The following CLMN variants were observed in gnomAD, a reference collection of about 807,000 sequenced individuals.
CLMN encodes the protein calmin.
CLMN carries 57 observed loss-of-function variants against 92.7 expected under a neutral mutation model. That is an observed-to-expected ratio of 0.61 (90% CI 0.50 to 0.77). The LOEUF (loss-of-function observed/expected upper bound fraction) is 0.77, where lower values mean the gene tolerates loss of function less well. Ranked by LOEUF, CLMN falls within the 30% of genes least tolerant of loss-of-function variation. The pLI, the probability that CLMN is intolerant of heterozygous loss-of-function variation, is 0.00. For synonymous variants in CLMN, 466 were observed against 470.6 expected (o/e 0.99, Z 0.13); for missense variants, 1,158 against 1,237.5 (o/e 0.94, Z 0.96).
At chr14:95,223,421 G>T (rs973423237) in intron 3 of CLMN, among the ~76,000 whole-genome samples, 1 of 152,122 alleles carries the variant, frequency 6.6e-6, no homozygotes, top group Non-Finnish European at 1.5e-5. Context: ...GTTGATAAAA[G>T]GCCTTTCTCT....
At chr14:95,266,756 A>G (rs1164771849) in intron 1 of CLMN, among the ~76,000 whole-genome samples, 4 of 152,228 alleles carry the variant, frequency 2.6e-5, no homozygotes, top group African/African-American at 9.6e-5. Flanking sequence ...CAAAAAGAAC[A>G]CAGTTGGAGG....
intron 5 of CLMN, among the ~76,000 whole-genome samples, chr14:95,214,651 C>T (rs1185123832): frequency 6.6e-6 from 1 of 152,126 alleles, no homozygotes; most frequent in African/African-American, 2.4e-5. Context: ...TGTGCCCAGC[C>T]CACATGGCTT....
At position 95,310,242 on chromosome 14, in the gene CLMN, A is replaced by G. The variant is rs181513373; in HGVS notation, c.82+9469T>C. Among the ~76,000 whole-genome samples the G allele has an allele frequency of 5.9e-5, 9 of 152,298 alleles. No homozygotes were observed. The East Asian group carries it at 1.7e-3, about 29-fold the overall frequency. On this transcript the variant is annotated intron_variant, in intron 1 of 12. Transcript: ENST00000298912. ...AACTTCTTTTCTTTATAAATTACCC[A>G]GACTCAGGTATTTCTTTAGAGCAAT...
chr14:95,195,325 G>A (rs954728194), intron 10 of CLMN, among the ~76,000 whole-genome samples: 15 of 152,256 alleles, frequency 9.9e-5, no homozygotes, highest in African/African-American at 3.6e-4. Context: ...ATGACTGCTA[G>A]ACAGTCACAC....
rs574867760 is a variant in CLMN, at chr14:95,303,347, A to C, written c.82+16364T>G. Among the ~76,000 whole-genome samples, 8 of 152,378 alleles carry C rather than the reference A, an allele frequency of 5.3e-5. No homozygotes were observed. In the East Asian group the frequency reaches 1.5e-3, roughly 29 times the overall value. ...GCAGAGGCTGCAGCTTTAAAACAGC[A>C]GTAATCACAACAAGTGCACGATGGT... On this transcript the variant is annotated intron_variant, in intron 1 of 12. Transcript: ENST00000298912.
chr14:95,264,855 T>C (rs1054220699), intron 1 of CLMN, among the ~76,000 whole-genome samples: 1 of 151,548 alleles, frequency 6.6e-6, no homozygotes, highest in Non-Finnish European at 1.5e-5. Flanking sequence ...GGAGGATCAC[T>C]TGAATCCAGG....
chr14:95,311,977 G>A (rs551517964), intron 1 of CLMN, among the ~76,000 whole-genome samples: 20 of 152,148 alleles, frequency 1.3e-4, no homozygotes, highest in African/African-American at 4.6e-4. Flanking sequence ...AAGCCTCCCC[G>A]GGTTTCTATG....
chr14:95,308,711 G>C (rs936778186), intron 1 of CLMN, among the ~76,000 whole-genome samples: 3 of 61,608 alleles, frequency 4.9e-5, no homozygotes, highest in Non-Finnish European at 1.2e-4. Flanking sequence ...GGCAGTCCCT[G>C]ACTTGATTTT....
chr14:95,277,345 G>T (rs912766096), intron 1 of CLMN, among the ~76,000 whole-genome samples: 8 of 152,184 alleles, frequency 5.3e-5, no homozygotes, highest in Non-Finnish European at 8.8e-5. Flanking sequence ...GCTGCTGCAG[G>T]TCCCTGAAAC....
chr14:95,282,132 G>A (rs1302233949), intron 1 of CLMN, among the ~76,000 whole-genome samples: 2 of 152,212 alleles, frequency 1.3e-5, no homozygotes, highest in East Asian at 1.9e-4. Flanking sequence ...ACAGTTGCTG[G>A]AGAAGAGAAT....
intron 1 of CLMN, among the ~76,000 whole-genome samples, chr14:95,245,222 ATATTATATATATATATT>A (rs1898465812): frequency 6.0e-5 from 2 of 33,418 alleles, no homozygotes; most frequent in African/African-American, 1.9e-4. Flanking sequence ...ATATATATAT[ATATTATATATATATATT>A]ATATATATAT....
intron 1 of CLMN, among the ~76,000 whole-genome samples, chr14:95,299,788 C>T (rs1900966025): frequency 6.6e-6 from 1 of 152,222 alleles, no homozygotes; most frequent in Non-Finnish European, 1.5e-5. Context: ...TCTCCCTTCC[C>T]TGCCCAACCT....
At chr14:95,240,341 G>A (rs1898202417) in intron 1 of CLMN, among the ~76,000 whole-genome samples, 1 of 152,144 alleles carries the variant, frequency 6.6e-6, no homozygotes, top group South Asian at 2.1e-4. Flanking sequence ...GCAGGGAATG[G>A]TGTGGCATGA....
At position 95,222,017 on chromosome 14, in the gene CLMN, G is replaced by A. The variant is rs190112935; in HGVS notation, c.241-243C>T. Among the ~76,000 whole-genome samples the A allele has an allele frequency of 2.3e-3, 347 of 152,280 alleles. 2 individuals carry two copies. The highest frequency in any genetic ancestry group is 8.2e-3 in the African/African-American group (340 of 41,558). On this transcript the variant is annotated intron_variant, in intron 3 of 12. Transcript: ENST00000298912. ...ATTTACAGTACTTGGGATTTAACTC[G>A]CTGAAGTTGGTGAGTTGGGGGGAAC...
At chr14:95,242,395 A>G (rs998386635) in intron 1 of CLMN, among the ~76,000 whole-genome samples, 1 of 149,646 alleles carries the variant, frequency 6.7e-6, no homozygotes, top group Non-Finnish European at 1.5e-5. Flanking sequence ...AGCATCTGGG[A>G]TTACAGGCAT....
rs1436687672 is a variant in CLMN at position 95,191,544 on chromosome 14, T to G, written c.*20A>C. 3 of 1,597,948 alleles carry G rather than the reference T, an allele frequency of 1.9e-6. No individual in the cohort carries two copies. ...GCCCCTGGTCAGGGTCCTGTCTTTTTTATTATCCAGACACACGTATCAGAG... is the reference window on the plus strand; with the variant it reads ...GCCCCTGGTCAGGGTCCTGTCTTTTGTATTATCCAGACACACGTATCAGAG... On this transcript the variant is annotated 3_prime_UTR_variant, in exon 13 of 13. Coordinates refer to ENST00000298912, the MANE Select transcript of CLMN (RefSeq NM_024734.4). The surrounding 1 kb of genome is among the most constrained non-coding windows in gnomAD (Gnocchi z 5.3).
chr14:95,299,425 C>A (rs970046047), intron 1 of CLMN, among the ~76,000 whole-genome samples: 2 of 152,206 alleles, frequency 1.3e-5, no homozygotes, highest in Admixed American at 1.3e-4. Flanking sequence ...CGCACCAGGG[C>A]TTCCGGCATT....
intron 4 of CLMN, among the ~76,000 whole-genome samples, chr14:95,219,038 G>A (rs113703536): frequency 0.012 from 1,812 of 152,294 alleles, 16 homozygotes; most frequent in Non-Finnish European, 0.021. Context: ...CATACAGCAC[G>A]CTGTCCATGT....
chr14:95,248,214 T>A (rs10132923), intron 1 of CLMN, among the ~76,000 whole-genome samples: 21,742 of 152,098 alleles, frequency 0.14, 2,562 homozygotes, highest in African/African-American at 0.31. Flanking sequence ...GACAATTTTT[T>A]AAAATATTTT....
Sources: gnomAD v4.1 joint callset for allele counts (sites outside exome capture counted in the v4.1 genomes callset) on GRCh38, gnomAD v4.1.1 for gene constraint, Gnocchi (gnomAD v3.1) non-coding constraint, MANE v1.5 for transcripts, NCBI Gene and HGNC (gene_info 2026-07-23, HGNC 2026-07-21) for gene names.